The following H6PD variants were observed in gnomAD, a reference collection of about 807,000 sequenced individuals.
H6PD encodes the protein hexose-6-phosphate dehydrogenase/glucose 1-dehydrogenase.
In H6PD, 48 loss-of-function variants were observed where a neutral mutation model predicts 61.2. That is an observed-to-expected ratio of 0.78 (90% CI 0.62 to 1.00). The LOEUF is 1.00. Among genes scored for constraint, H6PD ranks in the 50% least tolerant of loss-of-function variants. The pLI, the probability that H6PD is intolerant of heterozygous loss-of-function variation, is 0.00. For synonymous variants in H6PD, 480 were observed against 457.9 expected, an observed-to-expected ratio of 1.05 and a Z score of -0.62; for missense variants, 1,093 against 1,065.0, an observed-to-expected ratio of 1.03 and a Z score of -0.37.
intron 3 of H6PD, among the ~76,000 whole-genome samples, chr1:9,260,828 C>T (rs1408206952): frequency 2.0e-5 from 3 of 151,410 alleles, no homozygotes; most frequent in Non-Finnish European, 2.9e-5. Flanking sequence ...GACAACTGGA[C>T]ATCTGCGCCT....
chr1:9,241,641 C>T (rs1390943822), intron 1 of H6PD, among the ~76,000 whole-genome samples: 1 of 152,218 alleles, frequency 6.6e-6, no homozygotes, highest in East Asian at 1.9e-4. Context: ...CTCAAGTGAT[C>T]CTCCTGCCTT....
intron 3 of H6PD, among the ~76,000 whole-genome samples, chr1:9,260,257 G>T (rs1435377772): frequency 1.3e-5 from 2 of 148,926 alleles, no homozygotes; most frequent in Non-Finnish European, 2.9e-5. Flanking sequence ...TTACACCAGT[G>T]CTGTTATGTT....
At chr1:9,239,769 C>CG in intron 1 of H6PD, 1 of 385,772 alleles carries the variant, frequency 2.6e-6, no homozygotes, top group East Asian at 3.7e-5. Context: ...AGACATTGAC[C>CG]TTTACCTCCC....
rs372112586 is a variant in H6PD at position 9,262,741 on chromosome 1, A to T, written c.1015+413A>T. On this transcript the variant is annotated intron_variant, in intron 4 of 4. Transcript: ENST00000377403. Reference sequence around the variant, plus strand: ...GGCTGTCCTCTGGGCAGTTCCAGAGACCCAGGGCTTTCTGGGAGAGGCTGG... The same window carrying T: ...GGCTGTCCTCTGGGCAGTTCCAGAGTCCCAGGGCTTTCTGGGAGAGGCTGG... 1.1e-4 allele frequency among the ~76,000 whole-genome samples: 16 copies of T among 152,248 alleles called. No homozygotes were observed. In the South Asian group the frequency reaches 3.1e-3, roughly 30 times the overall value.
intron 1 of H6PD, among the ~76,000 whole-genome samples, chr1:9,236,042 T>G (rs375006610): frequency 6.6e-6 from 1 of 152,060 alleles, no homozygotes; most frequent in East Asian, 1.9e-4. Flanking sequence ...CAAGCTGGAG[T>G]GCAATGGCGC....
intron 1 of H6PD, among the ~76,000 whole-genome samples, chr1:9,236,113 T>C (rs1206034862): frequency 2.6e-5 from 4 of 152,104 alleles, no homozygotes; most frequent in Non-Finnish European, 5.9e-5. Context: ...CTCAGCCTCC[T>C]GAGTGGCTGG....
chr1:9,258,342 T>C (rs3753163), intron 3 of H6PD, among the ~76,000 whole-genome samples: 61,263 of 152,094 alleles, frequency 0.4, 13,164 homozygotes, highest in East Asian at 0.54. Flanking sequence ...GTTACATTGT[T>C]GTTACACCAG....
chr1:9,245,842 C>G lies in H6PD; in HGVS notation c.627+281C>G, dbSNP rs1035840221. Among the ~76,000 whole-genome samples the G allele has an allele frequency of 1.3e-5, 2 of 152,172 alleles. No individual in the cohort carries two copies. Among genetic ancestry groups the G allele is most frequent in the African/African-American group, 4.8e-5 (2 of 41,444 alleles). Reference sequence around the variant, plus strand: ...TGGGCTCTGGCTTCTCACGGTTGCCCTGCATCCCCTGTAGCGGTGGCTCAG... The same window carrying G: ...TGGGCTCTGGCTTCTCACGGTTGCCGTGCATCCCCTGTAGCGGTGGCTCAG... On this transcript the variant is annotated intron_variant, in intron 2 of 4. Coordinates refer to ENST00000377403, the MANE Select transcript of H6PD (RefSeq NM_004285.4). The surrounding 1 kb of genome is among the most constrained non-coding windows in gnomAD (Gnocchi z 4.8).
intron 1 of H6PD, among the ~76,000 whole-genome samples, chr1:9,241,573 A>AT (rs1184829019): frequency 6.6e-6 from 1 of 151,978 alleles, no homozygotes; most frequent in Non-Finnish European, 1.5e-5. Flanking sequence ...GTTTTTAAAT[A>AT]TTTTTTGTAG....
At chr1:9,246,277 G>A (rs983238372) in intron 2 of H6PD, among the ~76,000 whole-genome samples, 5 of 152,150 alleles carry the variant, frequency 3.3e-5, no homozygotes, top group African/African-American at 1.2e-4. Flanking sequence ...TTTTCTTCCT[G>A]AGTTCTGTTT....
chr1:9,246,047 A>G (rs1235972633), intron 2 of H6PD, among the ~76,000 whole-genome samples: 2 of 151,182 alleles, frequency 1.3e-5, no homozygotes, highest in Non-Finnish European at 2.9e-5. Flanking sequence ...GGTTCCAGCA[A>G]TTCTCCCGCC....
chr1:9,247,670 A>C (rs1570094976), intron 3 of H6PD, among the ~76,000 whole-genome samples: 1 of 151,982 alleles, frequency 6.6e-6, no homozygotes, highest in South Asian at 2.1e-4. Flanking sequence ...CCAGGAGGAC[A>C]CCGCCTCTCC....
Position 9,245,219 on chromosome 1 carries a change from T to G in H6PD, c.285T>G (p.Cys95Trp). 2 of 1,614,220 alleles carry G rather than the reference T, an allele frequency of 1.2e-6. No homozygotes were observed. The highest frequency in any genetic ancestry group is 1.1e-5 in the South Asian group (1 of 91,090). ...CCAAGGACATGGCACCCAGTCACTGTGCAGAGCACAAGGATCAGTTCCTGC... is the reference window on the plus strand; with the variant it reads ...CCAAGGACATGGCACCCAGTCACTGGGCAGAGCACAAGGATCAGTTCCTGC... ...SCPKDMAPSH[C>W]AEHKDQFLQL... The change falls in exon 2 of 5, where the codon TGT (cysteine) becomes TGG (tryptophan). Residue 95 changes from cysteine to tryptophan, a missense_variant. By Grantham distance (215) the Cys-to-Trp change is radical. Transcript: ENST00000377403. This position sits in a 1 kb window ranked among gnomAD's most constrained non-coding sequence, Gnocchi z 4.8.
chr1:9,239,299 A>G (rs1335435025), intron 1 of H6PD, among the ~76,000 whole-genome samples: 1 of 152,130 alleles, frequency 6.6e-6, no homozygotes, highest in East Asian at 1.9e-4. Context: ...CTCCCGTCTC[A>G]GTCTCCCAAA....
rs767174674 is a variant in H6PD at position 9,245,715 on chromosome 1, G to A, written c.627+154G>A. 2.6e-5 allele frequency among the ~76,000 whole-genome samples: 4 copies of A among 152,192 alleles called. No homozygotes were observed. Among genetic ancestry groups the A allele is most frequent in the Non-Finnish European group, 5.9e-5 (4 of 68,028 alleles). On this transcript the variant is annotated intron_variant, in intron 2 of 4. Coordinates refer to ENST00000377403, the MANE Select transcript of H6PD (RefSeq NM_004285.4). This position sits in a 1 kb window ranked among gnomAD's most constrained non-coding sequence, Gnocchi z 4.8. ...CTTGAAGGTGGGCAGGAGGCGAGCG[G>A]GTAAAGGAAAGACAGCAGCAGGGCA...
intron 3 of H6PD, among the ~76,000 whole-genome samples, chr1:9,258,757 CA>C (rs1303797700): frequency 6.6e-6 from 1 of 150,390 alleles, no homozygotes; most frequent in African/African-American, 2.5e-5. Flanking sequence ...GGTGTTGTTA[CA>C]TTGTTATGCT....
intron 1 of H6PD, among the ~76,000 whole-genome samples, chr1:9,243,927 T>C (rs916426614): frequency 2.0e-5 from 3 of 152,156 alleles, no homozygotes; most frequent in African/African-American, 7.2e-5. Flanking sequence ...GTCCCCTCTA[T>C]AGCGGTGCTG....
intron 1 of H6PD, among the ~76,000 whole-genome samples, chr1:9,237,236 CTTTTTTTTTTTTTTT>C (rs370751354): frequency 3.0e-4 from 21 of 71,080 alleles, no homozygotes; most frequent in Non-Finnish European, 4.5e-4. Context: ...TTTGACTTCT[CTTTTTTTTTTTTTTT>C]TTTTTTTTTT....
Position 9,264,807 on chromosome 1 carries a change from G to T in H6PD, c.2314G>T (p.Gly772Cys), listed in dbSNP as rs1401397994. 2 of 1,612,926 alleles carry T rather than the reference G, an allele frequency of 1.2e-6. No homozygotes were observed. Among genetic ancestry groups the T allele is most frequent in the Non-Finnish European group, 1.7e-6 (2 of 1,180,028 alleles). The change falls in exon 5 of 5, where the codon GGT becomes TGT. Residue 772 changes from glycine to cysteine, a missense_variant. Gly to Cys is a radical substitution (Grantham distance 159). Coordinates refer to ENST00000377403, the MANE Select transcript of H6PD (RefSeq NM_004285.4). ...GHEPKKWPIS[G>C]VLPHSGQLVW... ...TGAGCCCAAGAAGTGGCCCATCTCGGGTGTCCTGCCGCACTCCGGCCAGCT... is the reference window on the plus strand; with the variant it reads ...TGAGCCCAAGAAGTGGCCCATCTCGTGTGTCCTGCCGCACTCCGGCCAGCT...
Sources: gnomAD v4.1 joint callset for allele counts (sites outside exome capture counted in the v4.1 genomes callset) on GRCh38, gnomAD v4.1.1 for gene constraint, Gnocchi (gnomAD v3.1) non-coding constraint, MANE v1.5 for transcripts, NCBI Gene and HGNC (gene_info 2026-07-23, HGNC 2026-07-21) for gene names.